PLXNA4: variants seen among roughly 807,000 people sequenced by gnomAD.
PLXNA4 encodes plexin A4.
PLXNA4 carries 44 observed loss-of-function variants against 191.8 expected under a neutral mutation model. The observed-to-expected ratio is 0.23, with a 90% CI of 0.18 to 0.29. The LOEUF is 0.29. PLXNA4 is among the 10% of genes least tolerant of loss of function. The pLI is 1.00. For missense variants in PLXNA4, 1,800 were observed against 2,488.8 expected, an observed-to-expected ratio of 0.72 and a Z score of 5.89; for synonymous variants, 1,082 against 1,009.5, an observed-to-expected ratio of 1.07 and a Z score of -1.36.
chr7:132,238,818 G>C lies in PLXNA4; in HGVS notation c.1604+2248C>G, dbSNP rs545357793. On this transcript the variant is annotated intron_variant, in intron 5 of 31. Coordinates refer to ENST00000321063, the MANE Select transcript of PLXNA4 (RefSeq NM_020911.2). Reference sequence around the variant, plus strand: ...AGGGATCAACAGAGTCACAAGAGGGGGGGGGGCACCCATGAGCTCACAGTC... The same window carrying C: ...AGGGATCAACAGAGTCACAAGAGGGCGGGGGGCACCCATGAGCTCACAGTC... 5.3e-5 allele frequency among the ~76,000 whole-genome samples: 8 copies of C among 152,250 alleles called. No individual in the cohort carries two copies. The South Asian group carries it at 1.0e-3, about 20-fold the overall frequency.
chr7:132,289,877 C>A (rs1800822623), intron 4 of PLXNA4, among the ~76,000 whole-genome samples: 1 of 151,982 alleles, frequency 6.6e-6, no homozygotes, highest in Non-Finnish European at 1.5e-5. Flanking sequence ...TCTATGTTGC[C>A]CAGGTTGATC....
upstream of PLXNA4, chr7:132,577,155 C>T (rs1473085965): frequency 1.4e-5 from 2 of 146,370 alleles, no homozygotes; most frequent in African/African-American, 4.9e-5. Context: ...GCGGAGAGCT[C>T]GGCCGCGGGC....
At chr7:132,452,549 G>C (rs1308023552) in intron 3 of PLXNA4, among the ~76,000 whole-genome samples, 3 of 152,216 alleles carry the variant, frequency 2.0e-5, no homozygotes, top group Admixed American at 6.5e-5. Context: ...AGGCTCATTA[G>C]TGAGCCCTCA....
chr7:132,248,973 C>T (rs190789680), intron 4 of PLXNA4, among the ~76,000 whole-genome samples: 11 of 152,344 alleles, frequency 7.2e-5, no homozygotes, highest in East Asian at 5.8e-4. Flanking sequence ...CCTCACTTGA[C>T]GGCAGACAGA....
intron 25 of PLXNA4, among the ~76,000 whole-genome samples, chr7:132,149,540 C>A (rs149610440): frequency 7.9e-5 from 12 of 152,214 alleles, no homozygotes; most frequent in African/African-American, 2.9e-4. Flanking sequence ...TGAGCTCACG[C>A]ATCCACACAT....
intron 16 of PLXNA4, 89 bp downstream of exon 16, chr7:132,185,210 G>A: frequency 6.7e-7 from 1 of 1,494,778 alleles, no homozygotes; most frequent in Non-Finnish European, 8.9e-7. Flanking sequence ...AAGCAGGACT[G>A]GGCCCCCAGA....
chr7:132,159,154 T>C (rs1337753178), intron 25 of PLXNA4, among the ~76,000 whole-genome samples: 2 of 152,146 alleles, frequency 1.3e-5, no homozygotes, highest in East Asian at 1.9e-4. Flanking sequence ...TCTTTCCAGA[T>C]ATGACTCCTT....
At chr7:132,339,787 C>G (rs2116737855) in intron 3 of PLXNA4, among the ~76,000 whole-genome samples, 1 of 152,222 alleles carries the variant, frequency 6.6e-6, no homozygotes, top group Non-Finnish European at 1.5e-5. Context: ...GCCGAGTGAC[C>G]TAGCATGCCT....
intron 3 of PLXNA4, among the ~76,000 whole-genome samples, chr7:132,448,050 AC>A (rs1484525244): frequency 2.0e-5 from 3 of 152,090 alleles, no homozygotes; most frequent in Admixed American, 2.0e-4. Flanking sequence ...AACAAAAAAA[AC>A]GTATAGCATC....
intron 1 of PLXNA4, among the ~76,000 whole-genome samples, chr7:132,514,561 A>G (rs1348702903): frequency 1.3e-5 from 2 of 152,084 alleles, no homozygotes; most frequent in Non-Finnish European, 2.9e-5. Flanking sequence ...TGCTTTGAGT[A>G]AAGCAGACTG....
intron 3 of PLXNA4, among the ~76,000 whole-genome samples, chr7:132,484,001 G>A (rs1010081468): frequency 6.6e-6 from 1 of 152,208 alleles, no homozygotes; most frequent in East Asian, 1.9e-4. Context: ...GAAGGTGGGT[G>A]GGCCCAAGGG....
chr7:132,369,647 G>A (rs1045948685), intron 3 of PLXNA4, among the ~76,000 whole-genome samples: 2 of 152,126 alleles, frequency 1.3e-5, no homozygotes, highest in Non-Finnish European at 1.5e-5. Flanking sequence ...GGCACTTCAT[G>A]TCTGCCCTGA....
chr7:132,616,330 G>A (rs76431205), intron 2 of PLXNA4, among the ~76,000 whole-genome samples: 2,822 of 152,272 alleles, frequency 0.019, 77 homozygotes, highest in African/African-American at 0.063. Context: ...TTCTCTAAGG[G>A]CCTTTGGGGT....
At chr7:132,223,418 G>GA (rs1798209078) in intron 9 of PLXNA4, 109 bp downstream of exon 9, 6 of 871,364 alleles carry the variant, frequency 6.9e-6, no homozygotes, top group Non-Finnish European at 1.1e-5. Context: ...GAAGAAGGGG[G>GA]TGGTCCTGCA....
intron 4 of PLXNA4, among the ~76,000 whole-genome samples, chr7:132,286,128 C>A (rs1356639682): frequency 2.0e-5 from 3 of 152,240 alleles, no homozygotes; most frequent in Non-Finnish European, 4.4e-5. Context: ...CAGGACCACA[C>A]TCTTTTCAAC....
intron 3 of PLXNA4, among the ~76,000 whole-genome samples, chr7:132,486,245 A>G (rs1797553306): frequency 6.6e-6 from 1 of 152,132 alleles, no homozygotes; most frequent in Non-Finnish European, 1.5e-5. Flanking sequence ...CAGCTCCACA[A>G]CTTGTCACGG....
chr7:132,417,303 C>T (rs556383374), intron 3 of PLXNA4, among the ~76,000 whole-genome samples: 29 of 152,210 alleles, frequency 1.9e-4, no homozygotes, highest in Non-Finnish European at 2.8e-4. Context: ...ACATTATTGT[C>T]ACCATGGCCA....
chr7:132,519,523 G>A (rs564530006), intron 1 of PLXNA4, among the ~76,000 whole-genome samples: 6 of 152,288 alleles, frequency 3.9e-5, no homozygotes, highest in East Asian at 1.9e-4. Flanking sequence ...TCCCTGTCTC[G>A]TGCATGTGGC....
chr7:132,248,899 G>A (rs1373847529), intron 4 of PLXNA4, among the ~76,000 whole-genome samples: 2 of 152,080 alleles, frequency 1.3e-5, no homozygotes, highest in African/African-American at 4.8e-5. Context: ...CCTTGGGAAT[G>A]ATTTGCCTTG....
Sources: allele counts gnomAD v4.1 joint callset (sites outside exome capture counted in the v4.1 genomes callset), GRCh38; gene constraint gnomAD v4.1.1; transcripts MANE v1.5; gene names NCBI Gene and HGNC (gene_info 2026-07-23, HGNC 2026-07-21).